Variants in GAS6 observed in about 807,000 individuals in gnomAD.
The protein encoded by GAS6 is growth arrest specific 6, also known as growth arrest-specific protein 6.
Under a neutral mutation model 75.8 loss-of-function variants are expected in GAS6, and 41 were observed. The observed-to-expected ratio is 0.54, with a 90% confidence interval of 0.42 to 0.70. The LOEUF (loss-of-function observed/expected upper bound fraction) is 0.70, where lower values mean the gene tolerates loss of function less well. Among genes scored for constraint, GAS6 ranks in the 30% least tolerant of loss-of-function variants. The pLI, the probability that GAS6 is intolerant of heterozygous loss-of-function variation, is 0.00. For synonymous variants in GAS6, 432 were observed against 412.6 expected, an observed-to-expected ratio of 1.05 and a Z score of -0.57; for missense variants, 854 against 940.2, an observed-to-expected ratio of 0.91 and a Z score of 1.20.
chr13:113,862,731 C>T (rs1158014858), intron 2 of GAS6, among the ~76,000 whole-genome samples: 1 of 152,208 alleles, frequency 6.6e-6, no homozygotes, highest in East Asian at 1.9e-4. Context: ...TCCAGAACCA[C>T]TCTTTCATCC....
chr13:113,827,786 G>A (rs150012804), intron 11 of GAS6, among the ~76,000 whole-genome samples: 3,025 of 152,296 alleles, frequency 0.02, 57 homozygotes, highest in Admixed American at 0.031. Flanking sequence ...CGGCTTAGAC[G>A]TCAGCACGTG....
intron 10 of GAS6, among the ~76,000 whole-genome samples, chr13:113,830,697 G>T (rs1242724507): frequency 9.2e-6 from 1 of 108,684 alleles, no homozygotes; most frequent in Non-Finnish European, 1.8e-5. Context: ...CACCTGCCCC[G>T]GGCCCCTCCT....
intron 12 of GAS6, among the ~76,000 whole-genome samples, chr13:113,825,629 T>A (rs1243235704): frequency 6.6e-6 from 1 of 152,122 alleles, no homozygotes; most frequent in Non-Finnish European, 1.5e-5. Flanking sequence ...GAAATGTGTA[T>A]GATATTAAGT....
rs1260370411 is a variant in GAS6, at chr13:113,845,918, C to T, written c.343+609G>A. Among the ~76,000 whole-genome samples, 3 of 152,186 alleles carry T rather than the reference C, an allele frequency of 2.0e-5. No individual in the cohort carries two copies. The highest frequency in any genetic ancestry group is 2.1e-4 in the South Asian group (1 of 4,832). On this transcript the variant is annotated intron_variant, in intron 4 of 14. Transcript: ENST00000327773. This position sits in a 1 kb window ranked among gnomAD's most constrained non-coding sequence, Gnocchi z 4.3. ...AAAGGAAACATGAGGACTGCCTCTG[C>T]GATTCCATCCTTGGGAACGCATCCC...
Position 113,834,661 on chromosome 13 carries a change from A to G in GAS6, c.724T>C (p.Cys242Arg). The G allele has an allele frequency of 6.3e-7, 1 of 1,576,788 alleles. No homozygotes were observed. Among genetic ancestry groups the G allele is most frequent in the East Asian group, 2.3e-5 (1 of 43,334 alleles). The change falls in exon 8 of 15, where the codon TGT (cysteine) becomes CGT (arginine). Residue 242 changes from cysteine (C) to arginine (R), a missense_variant. By Grantham distance (180) the Cys-to-Arg change is radical. Coordinates refer to ENST00000327773, the MANE Select transcript of GAS6 (RefSeq NM_000820.4). ...QEKACRDVDECLQGRCEQVCV... is the reference protein window; with the variant it reads ...QEKACRDVDERLQGRCEQVCV... ...ACCTGCTCACAGCGGCCCTGCAGACACTCGTCCACATCTGCCAGCCAGAGG... is the reference window on the plus strand; with the variant it reads ...ACCTGCTCACAGCGGCCCTGCAGACGCTCGTCCACATCTGCCAGCCAGAGG...
Position 113,863,489 on chromosome 13 carries a change from G to A in GAS6, c.255+86C>T, listed in dbSNP as rs915144922. 87 of 1,327,302 alleles carry A rather than the reference G, an allele frequency of 6.6e-5. No homozygotes were observed. Among genetic ancestry groups the A allele is most frequent in the Non-Finnish European group, 7.6e-5 (78 of 1,022,758 alleles). 82.2% of individuals were successfully genotyped at this position (1,327,302 alleles called of 1,614,324 possible). ...CCAGGCCTCGCCGCGCGGAGCTGGGGGGCGGCAGCAGCGCTGCCTCTCGGG... is the reference window on the plus strand; with the variant it reads ...CCAGGCCTCGCCGCGCGGAGCTGGGAGGCGGCAGCAGCGCTGCCTCTCGGG... On this transcript the variant is annotated intron_variant, in intron 2 of 14. Transcript: ENST00000327773. This position sits in a 1 kb window ranked among gnomAD's most constrained non-coding sequence, Gnocchi z 9.4.
chr13:113,852,395 G>A (rs2051882820), intron 2 of GAS6, among the ~76,000 whole-genome samples: 1 of 152,186 alleles, frequency 6.6e-6, no homozygotes, highest in South Asian at 2.1e-4. Flanking sequence ...CTCCCTGACT[G>A]TGCCCGTTGC....
rs1344663486 is a variant in GAS6, at chr13:113,828,574, G to A, written c.1281C>T (p.Pro427=). 5 of 1,613,356 alleles carry A rather than the reference G, an allele frequency of 3.1e-6. No homozygotes were observed. The highest frequency in any genetic ancestry group is 4.5e-5 in the East Asian group (2 of 44,886). The change falls in exon 11 of 15, where the codon CCC becomes CCT. Residue 427 remains proline (P), a synonymous_variant. Coordinates refer to ENST00000327773, the MANE Select transcript of GAS6 (RefSeq NM_000820.4). ...GCTGCACGAGGTCCTTCTCATGGAA[G>A]GGAATACCTCCCACGGTCAGGTTCA... ...YHLNLTVGGI[P]FHEKDLVQPI...
intron 13 of GAS6, 136 bp downstream of exon 13, chr13:113,823,239 C>T (rs982312476): frequency 1.6e-5 from 16 of 998,884 alleles, no homozygotes; most frequent in African/African-American, 4.9e-5. Context: ...GGGCTTGGCT[C>T]ATCAGACCTC....
chr13:113,849,882 A>C (rs1191829094), intron 2 of GAS6, among the ~76,000 whole-genome samples: 1 of 152,244 alleles, frequency 6.6e-6, no homozygotes, highest in African/African-American at 2.4e-5. Flanking sequence ...TTCCACCGGC[A>C]AACTAGGGGA....
In GAS6 at chr13:113,838,742, G is replaced by A. The variant is rs1460807211; in HGVS notation, c.467-551C>T. On this transcript the variant is annotated intron_variant, in intron 5 of 14. Coordinates refer to ENST00000327773, the MANE Select transcript of GAS6 (RefSeq NM_000820.4). ...CAGCACTGGAGCAGGGAAGGAGCCG[G>A]GGGGGTGCACAGCCCAGCACTGGAG... Among the ~76,000 whole-genome samples the A allele has an allele frequency of 3.8e-5, 5 of 131,332 alleles. No homozygotes were observed. In the East Asian group the frequency reaches 1.2e-3, roughly 32 times the overall value. 86.2% of individuals were successfully genotyped at this position (131,332 alleles called of 152,430 possible). A position where few individuals can be genotyped will look rare whatever the true frequency, so the allele number is the denominator to read the frequency against.
At chr13:113,822,556 C>T (rs914153146) in intron 13 of GAS6, 6 of 198,562 alleles carry the variant, frequency 3.0e-5, no homozygotes, top group Non-Finnish European at 6.1e-5. Context: ...CCTGCGGTGG[C>T]GGCCTCCCAG....
At chr13:113,860,028 G>A (rs561813279) in intron 2 of GAS6, among the ~76,000 whole-genome samples, 2 of 152,364 alleles carry the variant, frequency 1.3e-5, no homozygotes, top group South Asian at 4.1e-4. Flanking sequence ...AAAGGTGCTT[G>A]GAGGGCACAT....
intron 2 of GAS6, among the ~76,000 whole-genome samples, chr13:113,850,448 G>A (rs1374470711): frequency 6.6e-6 from 1 of 152,150 alleles, no homozygotes; most frequent in Non-Finnish European, 1.5e-5. Context: ...AGGGCAACAG[G>A]GGGAAGAAGC....
intron 2 of GAS6, among the ~76,000 whole-genome samples, chr13:113,856,663 C>T (rs117417239): frequency 0.011 from 1,689 of 152,270 alleles, 8 homozygotes; most frequent in Non-Finnish European, 0.018. Context: ...CCAGCCTGCC[C>T]GTAAACACTG....
At chr13:113,823,664 A>T in intron 12 of GAS6, 114 bp from the exon 13 acceptor site, 3 of 1,050,120 alleles carry the variant, frequency 2.9e-6, no homozygotes, top group Non-Finnish European at 4.1e-6. Flanking sequence ...CTGTGCAGAC[A>T]GCCCCGGATC....
rs1459152813 is a variant in GAS6, at chr13:113,826,440, T to G, written c.1477+556A>C. Among the ~76,000 whole-genome samples the G allele has an allele frequency of 2.5e-3, 320 of 128,126 alleles. 7 individuals are homozygous for G. Among genetic ancestry groups the G allele is most frequent in the African/African-American group, 7.3e-3 (239 of 32,784 alleles). The allele number at this position is 128,126 out of a possible 152,430, so 84.1% of individuals were successfully genotyped here. A position where few individuals can be genotyped will look rare whatever the true frequency, so the allele number is the denominator to read the frequency against. The stretch of plus-strand genomic sequence containing the variant: ...CCCGGCGCTGGCCTCGCAGGCACCT[T>G]CTCTCCCCAGCCTCCCGGCGCCGGC... On this transcript the variant is annotated intron_variant, in intron 12 of 14. Coordinates refer to ENST00000327773, the MANE Select transcript of GAS6 (RefSeq NM_000820.4).
Position 113,839,773 on chromosome 13 carries a change from A to G in GAS6, c.421T>C (p.Phe141Leu). 6.2e-7 allele frequency: 1 copy of G among 1,614,040 alleles called. No homozygotes were observed. Among genetic ancestry groups the G allele is most frequent in the Non-Finnish European group, 8.5e-7 (1 of 1,180,016 alleles). Reference protein sequence around the residue: ...QACQDLMGNFFCLCKAGWGGR... With the variant: ...QACQDLMGNFLCLCKAGWGGR... ...CCCCAGCCAGCTTTACACAGGCAGA[A>G]GAAGTTGCCCATGAGGTCCTGGCAG... Residue 141 changes from phenylalanine to leucine, a missense_variant, in exon 5 of 15, where the codon TTC becomes CTC. Physicochemically the swap from Phe to Leu is conservative, Grantham distance 22 (BLOSUM62 0). Coordinates refer to ENST00000327773, the MANE Select transcript of GAS6 (RefSeq NM_000820.4).
chr13:113,826,417 CGG>C (rs1566354461), intron 12 of GAS6, among the ~76,000 whole-genome samples: 2 of 83,158 alleles, frequency 2.4e-5, no homozygotes, highest in African/African-American at 1.1e-4. Flanking sequence ...CCCGGCCTCC[CGG>C]CGCTGGCCTC....
Sources: gnomAD v4.1 joint callset for allele counts (sites outside exome capture counted in the v4.1 genomes callset) on GRCh38, gnomAD v4.1.1 for gene constraint, Gnocchi (gnomAD v3.1) non-coding constraint, MANE v1.5 for transcripts, NCBI Gene and HGNC (gene_info 2026-07-23, HGNC 2026-07-21) for gene names.